Variants in TK2 observed in about 807,000 individuals in gnomAD.
TK2 encodes thymidine kinase 2, mitochondrial.
TK2 carries 35 observed loss-of-function variants against 41.9 expected under a neutral mutation model. That is an observed-to-expected ratio of 0.84 (90% CI 0.64 to 1.11). The LOEUF is 1.11. Among genes scored for constraint, TK2 ranks in the 50% least tolerant of loss-of-function variants. The probability of loss-of-function intolerance (pLI) is 0.00; values close to 1 mark genes in which losing one functional copy is unlikely to be tolerated. For synonymous variants in TK2, 128 were observed against 129.1 expected, an observed-to-expected ratio of 0.99 and a Z score of 0.06; for missense variants, 320 against 351.1, an observed-to-expected ratio of 0.91 and a Z score of 0.71.
At chr16:66,542,166 GGTCCCCCCAGACCAGAT>G (rs1326304993) in intron 2 of TK2, among the ~76,000 whole-genome samples, 2 of 152,132 alleles carry the variant, frequency 1.3e-5, no homozygotes, top group Admixed American at 1.3e-4. Context: ...AGGCTCATGT[GGTCCCCCCAGACCAGAT>G]CCTCCTTTAC....
In TK2 at chr16:66,528,438, C is replaced by T. The variant is rs56379449; in HGVS notation, c.449+556G>A. Among the ~76,000 whole-genome samples the T allele has an allele frequency of 5.7e-3, 870 of 152,318 alleles. 4 individuals carry two copies. Among genetic ancestry groups the T allele is most frequent in the Middle Eastern group, 0.014 (4 of 294 alleles). On this transcript the variant is annotated intron_variant, in intron 6 of 9. Coordinates refer to ENST00000544898, the MANE Select transcript of TK2 (RefSeq NM_004614.5). ...TGCGACGCACACTGTGCGTCTGACT[C>T]GCCCAACTCTCCACCCTTCCCTTTA...
rs1474575961 is a variant in TK2, at chr16:66,517,093, G to T, written c.618+43C>A. Reference sequence around the variant, plus strand: ...AGAGGAAGCCGGGTTGGACAGAGGTGGTTTCCCAGTTTGTCTTTAACCAAG... The same window carrying T: ...AGAGGAAGCCGGGTTGGACAGAGGTTGTTTCCCAGTTTGTCTTTAACCAAG... On this transcript the variant is annotated intron_variant, in intron 8 of 9. Coordinates refer to ENST00000544898, the MANE Select transcript of TK2 (RefSeq NM_004614.5). This position sits in a 1 kb window ranked among gnomAD's most constrained non-coding sequence, Gnocchi z 4.3. 3 of 1,573,082 alleles carry T rather than the reference G, an allele frequency of 1.9e-6. No individual in the cohort carries two copies. Among genetic ancestry groups the T allele is most frequent in the Non-Finnish European group, 2.6e-6 (3 of 1,142,692 alleles).
rs1156903616 is a variant in TK2, at chr16:66,514,515, G to A, written c.619-704C>T. On this transcript the variant is annotated intron_variant, in intron 8 of 9. Coordinates refer to ENST00000544898, the MANE Select transcript of TK2 (RefSeq NM_004614.5). This position sits in a 1 kb window ranked among gnomAD's most constrained non-coding sequence, Gnocchi z 4.2. ...CTGCCTTGGCCTCCCAAAGTGCCGA[G>A]ATTGCAGCCTCTGCCCGGCTGCCAC... Among the ~76,000 whole-genome samples the A allele has an allele frequency of 6.6e-6, 1 of 152,224 alleles. No homozygotes were observed. The highest frequency in any genetic ancestry group is 2.4e-5 in the African/African-American group (1 of 41,454).
rs1965751988 is a variant in TK2 at position 66,550,116 on chromosome 16, G to C, written c.-55C>G. ...GTTCCTTCTTGTGCGAGTCGGCGCGGACGACTGCTAGTCCAGCCGTTGGGC... is the reference window on the plus strand; with the variant it reads ...GTTCCTTCTTGTGCGAGTCGGCGCGCACGACTGCTAGTCCAGCCGTTGGGC... On this transcript the variant is annotated 5_prime_UTR_variant, in exon 1 of 10. Transcript: ENST00000544898. 1 of 1,610,882 alleles carries C rather than the reference G, an allele frequency of 6.2e-7. No individual in the cohort carries two copies. The highest frequency in any genetic ancestry group is 8.5e-7 in the Non-Finnish European group (1 of 1,179,478).
intron 6 of TK2, among the ~76,000 whole-genome samples, chr16:66,519,048 GC>G (rs1013697145): frequency 6.6e-6 from 1 of 151,684 alleles, no homozygotes; most frequent in African/African-American, 2.4e-5. Flanking sequence ...TGCAAGCTCC[GC>G]CCCCCAGGTT....
At position 66,541,885 on chromosome 16, in the gene TK2, G is replaced by T; in HGVS notation, c.225C>A (p.Asp75Glu). 1 of 1,614,088 alleles carries T rather than the reference G, an allele frequency of 6.2e-7. No homozygotes were observed. The highest frequency in any genetic ancestry group is 8.5e-7 in the Non-Finnish European group (1 of 1,180,000). ...TCLEFFSNAT[D>E]VEVLTEPVSK... ...CCTAGCATAGAGGCTGTACCTCGACGTCTGTCGCGTTGGAGAAGAATTCCA... is the reference window on the plus strand; with the variant it reads ...CCTAGCATAGAGGCTGTACCTCGACTTCTGTCGCGTTGGAGAAGAATTCCA... The change falls in exon 3 of 10, where the codon GAC (aspartate) becomes GAA (glutamate). Residue 75 changes from aspartate to glutamate, a missense_variant. Physicochemically the swap from Asp to Glu is conservative, Grantham distance 45. Transcript: ENST00000544898.
At chr16:66,543,121 G>A (rs953800568) in intron 2 of TK2, among the ~76,000 whole-genome samples, 9 of 152,136 alleles carry the variant, frequency 5.9e-5, no homozygotes, top group African/African-American at 2.2e-4. Flanking sequence ...TGATCCACCC[G>A]CCTCAGCCTC....
intron 8 of TK2, among the ~76,000 whole-genome samples, chr16:66,515,834 G>A (rs1255064385): frequency 6.6e-6 from 1 of 152,210 alleles, no homozygotes; most frequent in East Asian, 1.9e-4. Context: ...CTCGTGGCAG[G>A]AATGCATCGT....
rs1489211364 is a variant in TK2 at position 66,511,885 on chromosome 16, A to G, written c.*83T>C. 4 of 1,258,848 alleles carry G rather than the reference A, an allele frequency of 3.2e-6. No homozygotes were observed. The highest frequency in any genetic ancestry group is 2.4e-5 in the South Asian group (2 of 82,996). 78.0% of individuals were successfully genotyped at this position (1,258,848 alleles called of 1,614,324 possible). A position where few individuals can be genotyped will look rare whatever the true frequency, so the allele number is the denominator to read the frequency against. ...TGGCCAGACACAAAGCCCTCCTGGG[A>G]GCAAGTTTTTCCAGATTGCTCCCAA... On this transcript the variant is annotated 3_prime_UTR_variant, in exon 10 of 10. Transcript: ENST00000544898.
intron 6 of TK2, among the ~76,000 whole-genome samples, chr16:66,518,568 T>C (rs967092463): frequency 6.6e-6 from 1 of 152,214 alleles, no homozygotes; most frequent in Admixed American, 6.5e-5. Context: ...AAAATAATCA[T>C]GATGCTCACC....
chr16:66,513,767 G>T lies in TK2; in HGVS notation c.663C>A (p.Ile221=). The T allele has an allele frequency of 1.2e-6, 2 of 1,613,960 alleles. No individual in the cohort carries two copies. The highest frequency in any genetic ancestry group is 1.7e-6 in the Non-Finnish European group (2 of 1,180,030). ...CTGCCATGGGGAAAAGGCTGCCTTTGATGAGCCACTCCTCATGGAGATGGT... is the reference window on the plus strand; with the variant it reads ...CTGCCATGGGGAAAAGGCTGCCTTTTATGAGCCACTCCTCATGGAGATGGT... ...AIHHLHEEWL[I]KGSLFPMAAP... is the part of the protein sequence containing the mutation. Residue 221 remains isoleucine (I), a synonymous_variant, in exon 9 of 10, where the codon ATC becomes ATA. Coordinates refer to ENST00000544898, the MANE Select transcript of TK2 (RefSeq NM_004614.5).
chr16:66,549,433 C>T, intron 1 of TK2: 6 of 1,075,212 alleles, frequency 5.6e-6, no homozygotes, highest in Non-Finnish European at 6.8e-6. Context: ...ATCCGTCCCA[C>T]AGGTGGTTCT....
At chr16:66,537,600 T>C (rs1210159350) in intron 3 of TK2, among the ~76,000 whole-genome samples, 1 of 152,242 alleles carries the variant, frequency 6.6e-6, no homozygotes, top group Non-Finnish European at 1.5e-5. Flanking sequence ...CTCTCCAACA[T>C]CCTGTGTGTT....
intron 6 of TK2, among the ~76,000 whole-genome samples, chr16:66,526,182 G>T (rs188278774): frequency 6.6e-6 from 1 of 152,128 alleles, no homozygotes; most frequent in East Asian, 1.9e-4. Flanking sequence ...TAGGATTGGG[G>T]AACTCACAAA....
intron 3 of TK2, among the ~76,000 whole-genome samples, chr16:66,538,579 A>T (rs997750531): frequency 6.6e-6 from 1 of 152,202 alleles, no homozygotes; most frequent in Non-Finnish European, 1.5e-5. Flanking sequence ...AGGACACAAC[A>T]ATAGCAAAAC....
At chr16:66,531,328 C>T (rs964990453) in intron 5 of TK2, 52 bp downstream of exon 5, 1 of 1,574,562 alleles carries the variant, frequency 6.4e-7, no homozygotes, top group Non-Finnish European at 8.7e-7. Context: ...TCACATACCC[C>T]AAGTCTGAAG....
At chr16:66,518,049 C>T (rs1249227017) in intron 6 of TK2, 172 bp from the exon 7 acceptor site, 3 of 674,486 alleles carry the variant, frequency 4.4e-6, no homozygotes, top group African/African-American at 1.8e-5. Context: ...TAAGCATTCC[C>T]GACCTCCTGC....
intron 8 of TK2, among the ~76,000 whole-genome samples, chr16:66,515,551 G>A (rs1351283514): frequency 5.9e-5 from 9 of 152,214 alleles, no homozygotes; most frequent in Admixed American, 1.3e-4. Context: ...AGAGGCTCGC[G>A]TGTCAACTCT....
intron 6 of TK2, among the ~76,000 whole-genome samples, chr16:66,528,516 G>C (rs574197756): frequency 1.8e-4 from 28 of 152,304 alleles, no homozygotes; most frequent in African/African-American, 6.7e-4. Context: ...TCCACCCTGG[G>C]CTCATGTGAC....
Sources: allele counts gnomAD v4.1 joint callset (sites outside exome capture counted in the v4.1 genomes callset), GRCh38; gene constraint gnomAD v4.1.1; non-coding constraint Gnocchi (gnomAD v3.1); transcripts MANE v1.5; gene names NCBI Gene and HGNC (gene_info 2026-07-23, HGNC 2026-07-21).